KIF13B: variants seen among roughly 807,000 people sequenced by gnomAD.
KIF13B encodes kinesin family member 13B.
Under a neutral mutation model 222.0 loss-of-function variants are expected in KIF13B, and 127 were observed. That is an observed-to-expected ratio of 0.57 (90% confidence interval 0.50 to 0.66). KIF13B has a LOEUF of 0.66. Ranked by LOEUF, KIF13B falls within the 30% of genes least tolerant of loss-of-function variation. KIF13B has a pLI of 0.00. For missense variants in KIF13B, 2,173 were observed against 2,379.0 expected (o/e 0.91, Z 1.80); for synonymous variants, 976 against 919.0 (o/e 1.06, Z -1.12).
chr8:29,112,398 A>G (rs948124739), intron 32 of KIF13B, among the ~76,000 whole-genome samples: 19 of 142,234 alleles, frequency 1.3e-4, no homozygotes, highest in African/African-American at 5.0e-4. Flanking sequence ...ACACCACTGC[A>G]CTCCAACCTG....
intron 21 of KIF13B, among the ~76,000 whole-genome samples, chr8:29,137,914 G>A (rs1388181918): frequency 2.0e-5 from 3 of 152,188 alleles, no homozygotes; most frequent in South Asian, 2.1e-4. Context: ...CCAAAGATGG[G>A]AACATTTGTG....
chr8:29,108,816 G>C (rs954974457), intron 34 of KIF13B, among the ~76,000 whole-genome samples: 2 of 152,062 alleles, frequency 1.3e-5, no homozygotes, highest in Admixed American at 6.6e-5. Flanking sequence ...AACTTCTCTT[G>C]GTGTGAAGTT....
intron 19 of KIF13B, 40 bp downstream of exon 19, chr8:29,142,117 C>T (rs1435350301): frequency 6.4e-7 from 1 of 1,572,552 alleles, no homozygotes; most frequent in East Asian, 2.2e-5. Flanking sequence ...TGGCTCCTTC[C>T]ATAATTACCA....
chr8:29,092,219 A>C (rs964134685), intron 37 of KIF13B, among the ~76,000 whole-genome samples: 2 of 152,240 alleles, frequency 1.3e-5, no homozygotes, highest in African/African-American at 4.8e-5. Context: ...GATTGTTTGG[A>C]AAACCTTTTC....
At chr8:29,211,394 G>A (rs971951816) in intron 2 of KIF13B, among the ~76,000 whole-genome samples, 5 of 151,040 alleles carry the variant, frequency 3.3e-5, no homozygotes, top group Non-Finnish European at 5.9e-5. Context: ...GAGAACAAGG[G>A]AAGTGAGCCC....
chr8:29,127,106 A>G lies in KIF13B; in HGVS notation c.3222+16T>C, dbSNP rs1810146469. 1.2e-6 allele frequency: 2 copies of G among 1,611,282 alleles called. No homozygotes were observed. The highest frequency in any genetic ancestry group is 1.7e-4 in the Middle Eastern group (1 of 6,016). On this transcript the variant is annotated intron_variant, in intron 25 of 39. Coordinates refer to ENST00000524189, the MANE Select transcript of KIF13B (RefSeq NM_015254.4). ...TTTTGTCTTTCAAGAAGAACATAAC[A>G]GGTATAGAAACTTACATGGAAGGTC... is the stretch of plus-strand genomic sequence containing the variant.
intron 6 of KIF13B, among the ~76,000 whole-genome samples, chr8:29,183,490 A>G (rs570549362): frequency 2.5e-4 from 38 of 152,224 alleles, no homozygotes; most frequent in African/African-American, 8.7e-4. Flanking sequence ...GACGCCTATG[A>G]AGAGAGGTGC....
intron 2 of KIF13B, among the ~76,000 whole-genome samples, chr8:29,218,603 T>C (rs1220780752): frequency 2.0e-5 from 3 of 152,272 alleles, no homozygotes; most frequent in Non-Finnish European, 2.9e-5. Context: ...AGGAAATTAA[T>C]AGAATGGCAC....
intron 35 of KIF13B, among the ~76,000 whole-genome samples, chr8:29,105,634 G>T (rs1158883825): frequency 6.7e-6 from 1 of 149,444 alleles, no homozygotes; most frequent in East Asian, 1.9e-4. Context: ...TAAGGAAACT[G>T]GGCAGAGTTT....
intron 13 of KIF13B, among the ~76,000 whole-genome samples, chr8:29,158,872 T>C (rs1322233418): frequency 6.6e-6 from 1 of 152,192 alleles, no homozygotes; most frequent in African/African-American, 2.4e-5. Context: ...AACAGCTTCT[T>C]TGTTTACGTT....
intron 2 of KIF13B, among the ~76,000 whole-genome samples, chr8:29,232,626 A>G (rs1355575620): frequency 6.6e-6 from 1 of 152,104 alleles, no homozygotes; most frequent in African/African-American, 2.4e-5. Flanking sequence ...TTACTTAGGA[A>G]TATTTTTAAA....
At position 29,140,267 on chromosome 8, in the gene KIF13B, T is replaced by C. The variant is rs1810755117; in HGVS notation, c.2485-76A>G. 2.5e-6 allele frequency: 4 copies of C among 1,577,852 alleles called. No homozygotes were observed. The South Asian group carries it at 4.7e-5, about 18-fold the overall frequency. Reference sequence around the variant, plus strand: ...CCCTTGAGATGACCTCTCTTCTCTTTTACAGTCAAGTTGTCAGGTTAATGG... The same window carrying C: ...CCCTTGAGATGACCTCTCTTCTCTTCTACAGTCAAGTTGTCAGGTTAATGG... On this transcript the variant is annotated intron_variant, in intron 20 of 39. Transcript: ENST00000524189.
chr8:29,248,025 T>A (rs147370506), intron 1 of KIF13B, among the ~76,000 whole-genome samples: 2 of 152,230 alleles, frequency 1.3e-5, no homozygotes, highest in Non-Finnish European at 2.9e-5. Context: ...GGGATAACTA[T>A]AATCAAAAAG....
chr8:29,199,081 A>ATTT (rs1435870446), intron 2 of KIF13B, among the ~76,000 whole-genome samples: 7 of 151,578 alleles, frequency 4.6e-5, no homozygotes, highest in Admixed American at 2.0e-4. Flanking sequence ...AAAAAAATAA[A>ATTT]ATTTTTTAAA....
chr8:29,084,344 G>A (rs1467938051), intron 37 of KIF13B, among the ~76,000 whole-genome samples: 3 of 152,208 alleles, frequency 2.0e-5, no homozygotes, highest in South Asian at 4.1e-4. Context: ...GCAAGAATTA[G>A]TATTTGTGCT....
intron 24 of KIF13B, among the ~76,000 whole-genome samples, chr8:29,127,805 A>G (rs954813195): frequency 2.0e-5 from 3 of 152,284 alleles, no homozygotes; most frequent in African/African-American, 7.2e-5. Context: ...AAATAATCAT[A>G]CATATACACA....
At chr8:29,227,660 T>C (rs935274016) in intron 2 of KIF13B, among the ~76,000 whole-genome samples, 2 of 152,208 alleles carry the variant, frequency 1.3e-5, no homozygotes, top group African/African-American at 4.8e-5. Flanking sequence ...TGCGAATTTC[T>C]GCTCCAGGCT....
chr8:29,144,242 T>C (rs1254294933), intron 18 of KIF13B, among the ~76,000 whole-genome samples: 2 of 152,110 alleles, frequency 1.3e-5, no homozygotes, highest in African/African-American at 4.8e-5. Context: ...TTGAGAATTC[T>C]TACGGTCAAA....
chr8:29,245,529 TC>T, intron 1 of KIF13B, 90 bp from the exon 2 acceptor site: 1 of 853,504 alleles, frequency 1.2e-6, no homozygotes, highest in Non-Finnish European at 1.8e-6. Flanking sequence ...AATTCAATAC[TC>T]TTTCATAATG....
Sources: allele counts gnomAD v4.1 joint callset (sites outside exome capture counted in the v4.1 genomes callset), GRCh38; gene constraint gnomAD v4.1.1; transcripts MANE v1.5; gene names NCBI Gene and HGNC (gene_info 2026-07-23, HGNC 2026-07-21).